The following MACROD2 variants were observed in gnomAD, a reference collection of about 807,000 sequenced individuals.
MACROD2 encodes mono-ADP ribosylhydrolase 2.
Under a neutral mutation model 70.4 loss-of-function variants are expected in MACROD2, and 36 were observed. That is an observed-to-expected ratio of 0.51 (90% CI 0.39 to 0.68). The LOEUF (loss-of-function observed/expected upper bound fraction) is 0.68. Among genes scored for constraint, MACROD2 ranks in the 30% least tolerant of loss-of-function variants. MACROD2 has a pLI of 0.00. For synonymous variants in MACROD2, 172 were observed against 178.8 expected, an observed-to-expected ratio of 0.96 and a Z score of 0.30; for missense variants, 496 against 538.4, an observed-to-expected ratio of 0.92 and a Z score of 0.78.
chr20:14,645,269 T>C (rs1568717306), intron 4 of MACROD2, among the ~76,000 whole-genome samples: 2 of 152,236 alleles, frequency 1.3e-5, no homozygotes, highest in East Asian at 3.9e-4. Flanking sequence ...GACATGAATT[T>C]AATATGAGTC....
intron 3 of MACROD2, among the ~76,000 whole-genome samples, chr20:14,116,057 T>G (rs1008122997): frequency 2.0e-5 from 3 of 152,126 alleles, no homozygotes; most frequent in African/African-American, 7.2e-5. Flanking sequence ...TGGGGCTGAT[T>G]GGTGAATCTT....
intron 5 of MACROD2, among the ~76,000 whole-genome samples, chr20:14,772,049 A>G (rs966032397): frequency 6.6e-6 from 1 of 152,100 alleles, no homozygotes; most frequent in Admixed American, 6.6e-5. Flanking sequence ...CTCATGGTGC[A>G]TGACATTTTA....
chr20:15,648,614 A>G (rs2049589732), intron 8 of MACROD2, among the ~76,000 whole-genome samples: 1 of 152,174 alleles, frequency 6.6e-6, no homozygotes, highest in South Asian at 2.1e-4. Flanking sequence ...ATTTGTGTTC[A>G]TTGCTCTTTC....
rs1002092268 is a variant in MACROD2 at position 14,969,549 on chromosome 20, A to G, written c.419-260391A>G. Among the ~76,000 whole-genome samples the G allele has an allele frequency of 1.1e-4, 17 of 152,082 alleles. 1 individual carries two copies. Among genetic ancestry groups the G allele is most frequent in the Non-Finnish European group, 1.8e-4 (12 of 68,002 alleles). ...TTATATTTTCATGAAATCTAGTAAAATGTTGAGTCTCTTTGTAGTCGTAAG... is the reference window on the plus strand; with the variant it reads ...TTATATTTTCATGAAATCTAGTAAAGTGTTGAGTCTCTTTGTAGTCGTAAG... On this transcript the variant is annotated intron_variant, in intron 5 of 17. Coordinates refer to ENST00000684519, the MANE Select transcript of MACROD2 (RefSeq NM_001351661.2).
intron 4 of MACROD2, among the ~76,000 whole-genome samples, chr20:14,548,215 T>C (rs1286099257): frequency 6.6e-6 from 1 of 152,216 alleles, no homozygotes; most frequent in Non-Finnish European, 1.5e-5. Flanking sequence ...GCAAGGGCTA[T>C]GCCTTCTTCA....
intron 5 of MACROD2, among the ~76,000 whole-genome samples, chr20:15,063,509 T>A (rs1398745259): frequency 6.6e-6 from 1 of 152,220 alleles, no homozygotes; most frequent in African/African-American, 2.4e-5. Context: ...TTTGTCCTTT[T>A]AAACTTGGCT....
At chr20:14,340,410 G>C (rs1004917408) in intron 3 of MACROD2, among the ~76,000 whole-genome samples, 12 of 152,084 alleles carry the variant, frequency 7.9e-5, no homozygotes, top group Non-Finnish European at 1.2e-4. Flanking sequence ...TTTAAGATGG[G>C]GGACATCCAA....
At chr20:15,403,733 C>T (rs6043258) in intron 6 of MACROD2, among the ~76,000 whole-genome samples, 6,071 of 152,192 alleles carry the variant, frequency 0.04, 373 homozygotes, top group African/African-American at 0.14. Flanking sequence ...TTTCATTCAT[C>T]TTCTTGCTTG....
chr20:15,001,706 T>G (rs1049478854), intron 5 of MACROD2, among the ~76,000 whole-genome samples: 3 of 150,584 alleles, frequency 2.0e-5, no homozygotes, highest in South Asian at 4.2e-4. Context: ...TTATTTTTTG[T>G]TTTTTTTTAA....
At chr20:14,152,630 T>A (rs2148712178) in intron 3 of MACROD2, among the ~76,000 whole-genome samples, 1 of 152,276 alleles carries the variant, frequency 6.6e-6, no homozygotes, top group South Asian at 2.1e-4. Context: ...TTTTGCTACG[T>A]TGGCCAGGCG....
At chr20:15,076,030 G>A (rs1445946911) in intron 5 of MACROD2, among the ~76,000 whole-genome samples, 1 of 152,116 alleles carries the variant, frequency 6.6e-6, no homozygotes, top group Admixed American at 6.6e-5. Flanking sequence ...CATAAAAGGC[G>A]ATCAGTTATA....
At position 14,374,502 on chromosome 20, in the gene MACROD2, T is replaced by C. The variant is rs144719364; in HGVS notation, c.272-118977T>C. Among the ~76,000 whole-genome samples, 3 of 152,302 alleles carry C rather than the reference T, an allele frequency of 2.0e-5. No individual in the cohort carries two copies. In the East Asian group the frequency reaches 5.8e-4, roughly 29 times the overall value. ...AAGTGGTTCTAACACCACTTCACCA[T>C]GCAGTAAACAGCTGAGCATATTCGA... is the stretch of plus-strand genomic sequence containing the variant. On this transcript the variant is annotated intron_variant, in intron 3 of 17. Coordinates refer to ENST00000684519, the MANE Select transcript of MACROD2 (RefSeq NM_001351661.2).
At chr20:15,685,832 C>A (rs2146867470) in intron 8 of MACROD2, among the ~76,000 whole-genome samples, 1 of 152,300 alleles carries the variant, frequency 6.6e-6, no homozygotes, top group East Asian at 1.9e-4. Context: ...GAGAAATCTG[C>A]ATGCACCGAC....
chr20:15,722,900 G>C (rs540774253), intron 8 of MACROD2, among the ~76,000 whole-genome samples: 2 of 152,116 alleles, frequency 1.3e-5, no homozygotes, highest in Admixed American at 1.3e-4. Flanking sequence ...CTATTGTCAA[G>C]GATGAACTAG....
intron 1 of MACROD2, among the ~76,000 whole-genome samples, chr20:13,998,304 T>A (rs1394772791): frequency 6.6e-6 from 1 of 152,044 alleles, no homozygotes; most frequent in Non-Finnish European, 1.5e-5. Context: ...ACCACTAATG[T>A]GCATTTTCAA....
At chr20:15,211,969 C>T (rs1312981763) in intron 5 of MACROD2, among the ~76,000 whole-genome samples, 1 of 152,178 alleles carries the variant, frequency 6.6e-6, no homozygotes, top group East Asian at 1.9e-4. Context: ...CATTTCCATT[C>T]CTATCACTGA....
chr20:15,914,483 A>C (rs1229536964), intron 10 of MACROD2, among the ~76,000 whole-genome samples: 1 of 152,214 alleles, frequency 6.6e-6, no homozygotes, highest in Non-Finnish European at 1.5e-5. Context: ...CAATTGCCTT[A>C]TATAAAAAGT....
chr20:15,134,450 C>A (rs1173274965), intron 5 of MACROD2, among the ~76,000 whole-genome samples: 6 of 151,976 alleles, frequency 3.9e-5, no homozygotes, highest in Non-Finnish European at 7.4e-5. Context: ...AACTGAACAA[C>A]CTGCTCCTGA....
rs530091821 is a variant in MACROD2, at chr20:14,256,840, A to G, written c.271+171112A>G. 6.6e-5 allele frequency among the ~76,000 whole-genome samples: 10 copies of G among 152,144 alleles called. No homozygotes were observed. The South Asian group carries it at 2.1e-3, about 32-fold the overall frequency. ...TTAGCTATCTGGGATTTACTCTACT[A>G]CCTTCATCCTTTCACATTTCTTTCT... On this transcript the variant is annotated intron_variant, in intron 3 of 17. Coordinates refer to ENST00000684519, the MANE Select transcript of MACROD2 (RefSeq NM_001351661.2).
Sources: allele counts gnomAD v4.1 joint callset (sites outside exome capture counted in the v4.1 genomes callset), GRCh38; gene constraint gnomAD v4.1.1; transcripts MANE v1.5; gene names NCBI Gene and HGNC (gene_info 2026-07-23, HGNC 2026-07-21).